PACSIN2: variants seen among roughly 807,000 people sequenced by gnomAD.
The protein encoded by PACSIN2 is protein kinase C and casein kinase substrate in neurons protein 2.
In PACSIN2, 25 loss-of-function variants were observed where a neutral mutation model predicts 63.8. That is an observed-to-expected ratio of 0.39 (90% confidence interval 0.29 to 0.55). The LOEUF (loss-of-function observed/expected upper bound fraction) is 0.55, where lower values mean the gene tolerates loss of function less well. PACSIN2 is among the 20% of genes least tolerant of loss of function. The pLI is 0.62. For missense variants in PACSIN2, 518 were observed against 646.9 expected, an observed-to-expected ratio of 0.80 and a Z score of 2.16; for synonymous variants, 255 against 256.2, an observed-to-expected ratio of 1.00 and a Z score of 0.05.
Position 42,893,650 on chromosome 22 carries a change from G to C in PACSIN2, c.61-37C>G, listed in dbSNP as rs537140399. 8 of 1,600,002 alleles carry C rather than the reference G, an allele frequency of 5.0e-6. No individual in the cohort carries two copies. In the African/African-American group the frequency reaches 6.7e-5, roughly 13 times the overall value. On this transcript the variant is annotated intron_variant, in intron 2 of 10. Transcript: ENST00000263246. ...AACCAGCTGGGAGGCAGGGGGCTTG[G>C]GGCAGCCTGTCCTTGGCTGTGGCAC...
intron 6 of PACSIN2, among the ~76,000 whole-genome samples, chr22:42,882,890 G>A (rs1172426287): frequency 6.6e-6 from 1 of 152,168 alleles, no homozygotes; most frequent in Admixed American, 6.5e-5. Context: ...TATGGCTGGT[G>A]AGTCATGTAC....
chr22:42,947,956 T>C (rs901455937), intron 1 of PACSIN2, among the ~76,000 whole-genome samples: 2 of 152,176 alleles, frequency 1.3e-5, no homozygotes, highest in African/African-American at 4.8e-5. Context: ...ACAGGGTCGA[T>C]GGACACTTGA....
chr22:42,972,953 C>T (rs775304475), intron 1 of PACSIN2, among the ~76,000 whole-genome samples: 2 of 152,176 alleles, frequency 1.3e-5, no homozygotes, highest in African/African-American at 2.4e-5. Context: ...TAAAAGCACA[C>T]ACCTGGATTT....
At chr22:42,904,631 G>A (rs1396083599) in intron 2 of PACSIN2, among the ~76,000 whole-genome samples, 2 of 152,198 alleles carry the variant, frequency 1.3e-5, no homozygotes, top group African/African-American at 4.8e-5. Context: ...GGAAACGCCA[G>A]CTGGGAAAAG....
intron 8 of PACSIN2, among the ~76,000 whole-genome samples, chr22:42,877,645 G>A (rs546488556): frequency 6.6e-6 from 1 of 152,338 alleles, no homozygotes; most frequent in East Asian, 1.9e-4. Flanking sequence ...TGTTTGCCAG[G>A]CCCAGTGTGG....
chr22:42,989,896 A>G (rs1252361286), intron 1 of PACSIN2, among the ~76,000 whole-genome samples: 2 of 149,616 alleles, frequency 1.3e-5, no homozygotes, highest in Non-Finnish European at 3.0e-5. Flanking sequence ...ACACACACAC[A>G]CACATATATG....
At chr22:42,944,100 C>T (rs1569305554) in intron 1 of PACSIN2, among the ~76,000 whole-genome samples, 1 of 152,174 alleles carries the variant, frequency 6.6e-6, no homozygotes, top group Non-Finnish European at 1.5e-5. Flanking sequence ...AAAGTCCACA[C>T]AAAGCCCCCA....
Position 42,958,736 on chromosome 22 carries a change from C to G in PACSIN2, c.-77-46579G>C, listed in dbSNP as rs149377219. On this transcript the variant is annotated intron_variant, in intron 1 of 10. Coordinates refer to ENST00000263246, the MANE Select transcript of PACSIN2 (RefSeq NM_001184970.3). ...CACTTCACAGTAGGTAACATCCTAA[C>G]AAGAAAGCATGTTTTTCTGTGAGGC... 2.5e-4 allele frequency among the ~76,000 whole-genome samples: 38 copies of G among 152,282 alleles called. No homozygotes were observed. The East Asian group carries it at 7.3e-3, about 29-fold the overall frequency.
intron 10 of PACSIN2, among the ~76,000 whole-genome samples, chr22:42,872,767 G>A (rs193092369): frequency 2.0e-5 from 3 of 152,376 alleles, no homozygotes; most frequent in South Asian, 4.1e-4. Flanking sequence ...TGGGACATGC[G>A]TAAGCACTGG....
chr22:42,900,424 C>CTAT (rs1930601629), intron 2 of PACSIN2, among the ~76,000 whole-genome samples: 1 of 152,172 alleles, frequency 6.6e-6, no homozygotes, highest in African/African-American at 2.4e-5. Context: ...CCCACTTAAT[C>CTAT]TTGTGAGAAT....
chr22:42,964,071 C>A (rs139539457), intron 1 of PACSIN2, among the ~76,000 whole-genome samples: 31 of 152,312 alleles, frequency 2.0e-4, no homozygotes, highest in African/African-American at 7.0e-4. Flanking sequence ...CTTTAGCTAT[C>A]ATCCCTCTAT....
chr22:42,938,893 T>A (rs919384948), intron 1 of PACSIN2, among the ~76,000 whole-genome samples: 1 of 152,230 alleles, frequency 6.6e-6, no homozygotes, highest in African/African-American at 2.4e-5. Flanking sequence ...TTGTATTTTT[T>A]AAAAATCCTA....
chr22:42,975,457 A>AATATATATATATAT (rs57140073), intron 1 of PACSIN2, among the ~76,000 whole-genome samples: 3,435 of 140,590 alleles, frequency 0.024, 121 homozygotes, highest in African/African-American at 0.066. Context: ...AATATATACA[A>AATATATATATATAT]ATATATATAT....
chr22:42,952,133 T>C (rs928998939), intron 1 of PACSIN2, among the ~76,000 whole-genome samples: 46 of 152,202 alleles, frequency 3.0e-4, no homozygotes, highest in Non-Finnish European at 6.0e-4. Flanking sequence ...CTCACGAGAA[T>C]GTAGGTTCCT....
intron 1 of PACSIN2, among the ~76,000 whole-genome samples, chr22:42,997,885 A>G (rs1416952880): frequency 6.6e-6 from 1 of 152,202 alleles, no homozygotes; most frequent in African/African-American, 2.4e-5. Flanking sequence ...TGTCTCAAAA[A>G]ACAAACAAAC....
In PACSIN2 at chr22:42,959,308, A is replaced by G. The variant is rs79111274; in HGVS notation, c.-77-47151T>C. Among the ~76,000 whole-genome samples, 25 of 152,374 alleles carry G rather than the reference A, an allele frequency of 1.6e-4. 2 individuals are homozygous for G. The East Asian group carries it at 4.4e-3, about 27-fold the overall frequency. ...TAAAGAAAGAAAATGGCAGCATGTA[A>G]TAAACATTAACGCCTTAAAGTAGGG... On this transcript the variant is annotated intron_variant, in intron 1 of 10. Coordinates refer to ENST00000263246, the MANE Select transcript of PACSIN2 (RefSeq NM_001184970.3).
intron 1 of PACSIN2, among the ~76,000 whole-genome samples, chr22:42,997,690 A>C (rs1923505209): frequency 6.6e-6 from 1 of 152,164 alleles, no homozygotes; most frequent in Non-Finnish European, 1.5e-5. Flanking sequence ...TCTCATGTAA[A>C]TATAAGATCC....
intron 1 of PACSIN2, among the ~76,000 whole-genome samples, chr22:42,921,888 A>G (rs541600627): frequency 6.6e-5 from 10 of 152,098 alleles, no homozygotes; most frequent in South Asian, 4.1e-4. Flanking sequence ...ACAGGCGCTC[A>G]CCACCATGCC....
intron 1 of PACSIN2, among the ~76,000 whole-genome samples, chr22:42,958,838 T>G (rs1261163570): frequency 1.3e-5 from 2 of 152,202 alleles, no homozygotes; most frequent in African/African-American, 4.8e-5. Context: ...AGTAATCCAG[T>G]AAGTATAATT....
Sources: allele counts gnomAD v4.1 joint callset (sites outside exome capture counted in the v4.1 genomes callset), GRCh38; gene constraint gnomAD v4.1.1; transcripts MANE v1.5; gene names NCBI Gene and HGNC (gene_info 2026-07-23, HGNC 2026-07-21).